CTNNA3: variants seen among roughly 807,000 people sequenced by gnomAD.
CTNNA3 encodes catenin alpha-3.
Under a neutral mutation model 95.7 loss-of-function variants are expected in CTNNA3, and 76 were observed. The ratio of observed to expected loss-of-function variants is 0.79; its 90% CI spans 0.66 to 0.96. The LOEUF (loss-of-function observed/expected upper bound fraction) is 0.96. Ranked by LOEUF, CTNNA3 falls within the 40% of genes least tolerant of loss-of-function variation. The pLI is 0.00. For synonymous variants in CTNNA3, 431 were observed against 374.4 expected (o/e 1.15, Z -1.74); for missense variants, 1,191 against 1,089.8 (o/e 1.09, Z -1.31).
chr10:67,751,222 C>A, intron 1 of CTNNA3: 1 of 1,276,916 alleles, frequency 7.8e-7, no homozygotes, highest in Non-Finnish European at 1.1e-6. Context: ...CCCTTCGATG[C>A]AGAATATTGA....
chr10:66,840,120 G>C (rs927124082), intron 7 of CTNNA3, among the ~76,000 whole-genome samples: 1 of 152,084 alleles, frequency 6.6e-6, no homozygotes, highest in Admixed American at 6.6e-5. Flanking sequence ...CATTCTGGCT[G>C]CAATATTATT....
At chr10:65,958,424 C>T (rs2077776620) in intron 17 of CTNNA3, among the ~76,000 whole-genome samples, 1 of 152,142 alleles carries the variant, frequency 6.6e-6, no homozygotes, top group African/African-American at 2.4e-5. Context: ...AGCTTTGTTC[C>T]ATTGCTGGTG....
chr10:66,795,539 T>A (rs1398003227), intron 7 of CTNNA3, among the ~76,000 whole-genome samples: 1 of 152,158 alleles, frequency 6.6e-6, no homozygotes, highest in Non-Finnish European at 1.5e-5. Flanking sequence ...CTTAGCATAA[T>A]TCTTCAGGGC....
chr10:67,350,728 G>A (rs1225943444), intron 5 of CTNNA3, among the ~76,000 whole-genome samples: 1 of 151,632 alleles, frequency 6.6e-6, no homozygotes, highest in African/African-American at 2.4e-5. Flanking sequence ...AGCAACTGGA[G>A]CTCTCATAGG....
intron 7 of CTNNA3, among the ~76,000 whole-genome samples, chr10:67,156,651 A>G (rs1278911644): frequency 6.6e-6 from 1 of 152,100 alleles, no homozygotes; most frequent in Non-Finnish European, 1.5e-5. Context: ...AAAAAAAAAT[A>G]CTTGGTAAGA....
intron 5 of CTNNA3, among the ~76,000 whole-genome samples, chr10:67,441,112 T>C (rs1846495551): frequency 1.3e-5 from 2 of 151,792 alleles, no homozygotes; most frequent in Admixed American, 1.3e-4. Flanking sequence ...ATTTAAATAA[T>C]AAAAAGAAGC....
intron 13 of CTNNA3, among the ~76,000 whole-genome samples, chr10:66,234,959 A>C (rs2089778128): frequency 6.6e-6 from 1 of 152,206 alleles, no homozygotes; most frequent in African/African-American, 2.4e-5. Flanking sequence ...ATCAGCACAT[A>C]TGACAAGGAA....
At chr10:66,525,649 A>G (rs1360689504) in intron 10 of CTNNA3, among the ~76,000 whole-genome samples, 1 of 152,094 alleles carries the variant, frequency 6.6e-6, no homozygotes, top group East Asian at 1.9e-4. Flanking sequence ...GTGCATGTGA[A>G]AGAGAGAGAG....
At chr10:66,321,182 C>G (rs553625140) in intron 12 of CTNNA3, among the ~76,000 whole-genome samples, 12 of 151,882 alleles carry the variant, frequency 7.9e-5, no homozygotes, top group African/African-American at 1.9e-4. Context: ...TATGTTGGAC[C>G]ATCTTTGTTG....
chr10:66,658,541 A>T (rs2394275), intron 9 of CTNNA3, among the ~76,000 whole-genome samples: 129,301 of 152,174 alleles, frequency 0.85, 55,227 homozygotes, highest in East Asian at 0.98. Flanking sequence ...TTATCACATA[A>T]TTTTGACAAA....
chr10:66,324,656 A>G (rs906768114), intron 12 of CTNNA3, among the ~76,000 whole-genome samples: 3 of 152,088 alleles, frequency 2.0e-5, no homozygotes, highest in African/African-American at 7.2e-5. Context: ...TGGCAACTGA[A>G]CAAGTGAGCC....
chr10:66,021,852 C>CTTTTTTTTTTTTTTTTTTTTTTTTTTT lies in CTNNA3; in HGVS notation c.2160-33056_2160-33055insAAAAAAAAAAAAAAAAAAAAAAAAAAA, dbSNP rs34671813. On this transcript the variant is annotated intron_variant, in intron 15 of 17. Transcript: ENST00000433211. ...GGAAATTCCATATACAGGATCTTGGCTTTTTTTTTTTTTTTTAGATAGATA... is the reference window on the plus strand; with the variant it reads ...GGAAATTCCATATACAGGATCTTGGCTTTTTTTTTTTTTTTTTTTTTTTTTTTTTTTTTTTTTTTTTTTAGATAGATA... Among the ~76,000 whole-genome samples the CTTTTTTTTTTTTTTTTTTTTTTTTTTT allele has an allele frequency of 1.2e-3, 91 of 75,920 alleles. 21 individuals are homozygous for CTTTTTTTTTTTTTTTTTTTTTTTTTTT. Among genetic ancestry groups the CTTTTTTTTTTTTTTTTTTTTTTTTTTT allele is most frequent in the African/African-American group, 1.9e-3 (38 of 20,286 alleles). 49.8% of individuals were successfully genotyped at this position (75,920 alleles called of 152,430 possible). A position where few individuals can be genotyped will look rare whatever the true frequency, so the allele number is the denominator to read the frequency against.
At chr10:66,454,846 G>C (rs1395891719) in intron 11 of CTNNA3, among the ~76,000 whole-genome samples, 1 of 148,352 alleles carries the variant, frequency 6.7e-6, no homozygotes, top group African/African-American at 2.5e-5. Flanking sequence ...GGGAAGAAAG[G>C]GGGAAAAGGC....
chr10:66,135,894 T>C (rs2083318345), intron 13 of CTNNA3, among the ~76,000 whole-genome samples: 1 of 150,382 alleles, frequency 6.6e-6, no homozygotes, highest in Non-Finnish European at 1.5e-5. Flanking sequence ...AGAAACGATA[T>C]GTAACACAAT....
intron 5 of CTNNA3, among the ~76,000 whole-genome samples, chr10:67,229,589 G>C (rs1396088256): frequency 2.0e-5 from 3 of 152,048 alleles, no homozygotes; most frequent in Admixed American, 2.0e-4. Flanking sequence ...CTCCAGAAAG[G>C]TCCTAGAACG....
intron 5 of CTNNA3, among the ~76,000 whole-genome samples, chr10:67,392,398 A>T (rs1844534793): frequency 6.6e-6 from 1 of 152,216 alleles, no homozygotes; most frequent in African/African-American, 2.4e-5. Context: ...TTAAAAAGTC[A>T]GGAAACAACA....
intron 11 of CTNNA3, among the ~76,000 whole-genome samples, chr10:66,424,353 T>A (rs895520895): frequency 2.6e-5 from 4 of 152,064 alleles, no homozygotes; most frequent in African/African-American, 9.7e-5. Flanking sequence ...TTAACTCTGT[T>A]GTTCTTTCCA....
intron 10 of CTNNA3, among the ~76,000 whole-genome samples, chr10:66,528,777 C>A (rs956283002): frequency 6.6e-6 from 1 of 151,976 alleles, no homozygotes; most frequent in South Asian, 2.1e-4. Flanking sequence ...TCTGAAACAC[C>A]CCCCAAACAA....
At chr10:66,544,544 CTG>C (rs1159134809) in intron 10 of CTNNA3, among the ~76,000 whole-genome samples, 1 of 151,630 alleles carries the variant, frequency 6.6e-6, no homozygotes, top group African/African-American at 2.4e-5. Flanking sequence ...TAAGAAATTT[CTG>C]TGTTTTTAGT....
Sources: gnomAD v4.1 joint callset for allele counts (sites outside exome capture counted in the v4.1 genomes callset) on GRCh38, gnomAD v4.1.1 for gene constraint, MANE v1.5 for transcripts, NCBI Gene and HGNC (gene_info 2026-07-23, HGNC 2026-07-21) for gene names.